Variants in HOOK3 observed in about 807,000 individuals in gnomAD.
HOOK3 encodes protein Hook homolog 3.
HOOK3 carries 24 observed loss-of-function variants against 116.3 expected under a neutral mutation model. That is an observed-to-expected ratio of 0.21 (90% CI 0.15 to 0.29). The LOEUF (loss-of-function observed/expected upper bound fraction) is 0.29, where lower values mean the gene tolerates loss of function less well. HOOK3 is among the 10% of genes least tolerant of loss of function. HOOK3 has a pLI of 1.00. For synonymous variants in HOOK3, 275 were observed against 283.0 expected (o/e 0.97, Z 0.28); for missense variants, 632 against 830.2 (o/e 0.76, Z 2.93).
At position 42,897,043 on chromosome 8, in the gene HOOK3, G is replaced by T; in HGVS notation, c.-89G>T. 1 of 1,032,250 alleles carries T rather than the reference G, an allele frequency of 9.7e-7. No individual in the cohort carries two copies. 63.9% of individuals were successfully genotyped at this position (1,032,250 alleles called of 1,614,324 possible). A position where few individuals can be genotyped will look rare whatever the true frequency, so the allele number is the denominator to read the frequency against. The stretch of plus-strand genomic sequence containing the variant: ...CCGAGGAGCAGGCGGGCCTGAGGCC[G>T]AGTCAGCTGCGCGGGCCCCCGGATC... On this transcript the variant is annotated 5_prime_UTR_variant, in exon 1 of 22. Coordinates refer to ENST00000307602, the MANE Select transcript of HOOK3 (RefSeq NM_032410.4).
Position 42,986,718 on chromosome 8 carries a change from C to A in HOOK3, c.1455C>A (p.Asp485Glu), listed in dbSNP as rs1214591965. The change falls in exon 15 of 22, where the codon GAC (aspartate) becomes GAA (glutamate). Residue 485 changes from aspartate to glutamate, a missense_variant. Physicochemically the swap from Asp to Glu is conservative, Grantham distance 45. Transcript: ENST00000307602. ...KMLKLNQEGS[D>E]NEKIALLQSL... ...TAAAGCTTAACCAAGAAGGTTCGGA[C>A]AATGAAAAAATAGCCTTATTGCAGA... 6.2e-7 allele frequency: 1 copy of A among 1,613,496 alleles called. No individual in the cohort carries two copies. The highest frequency in any genetic ancestry group is 8.5e-7 in the Non-Finnish European group (1 of 1,179,634).
Position 43,014,776 on chromosome 8 carries a change from G to A in HOOK3, c.2016+1376G>A, listed in dbSNP as rs75843286. 4.7e-3 allele frequency among the ~76,000 whole-genome samples: 718 copies of A among 152,260 alleles called. 11 individuals carry two copies. Among genetic ancestry groups the A allele is most frequent in the African/African-American group, 0.016 (684 of 41,540 alleles). On this transcript the variant is annotated intron_variant, in intron 21 of 21. Coordinates refer to ENST00000307602, the MANE Select transcript of HOOK3 (RefSeq NM_032410.4). Reference sequence around the variant, plus strand: ...TTAGTGTCCCTGGCCTCTGAACACTGTGATTTGATCTTTGTCAAAAATTCA... The same window carrying A: ...TTAGTGTCCCTGGCCTCTGAACACTATGATTTGATCTTTGTCAAAAATTCA...
Position 42,986,497 on chromosome 8 carries a change from C to G in HOOK3, c.1392-158C>G, listed in dbSNP as rs1809051716. Among the ~76,000 whole-genome samples, 2 of 151,948 alleles carry G rather than the reference C, an allele frequency of 1.3e-5. 1 individual carries two copies. Among genetic ancestry groups the G allele is most frequent in the African/African-American group, 4.8e-5 (2 of 41,392 alleles). On this transcript the variant is annotated intron_variant, in intron 14 of 21. Coordinates refer to ENST00000307602, the MANE Select transcript of HOOK3 (RefSeq NM_032410.4). ...AAAACCTGAAATGTAATGTCTTTAC[C>G]AGCTATAATAGCTGAATTTGTTGCA...
chr8:43,030,034 A>G lies in HOOK3; in HGVS notation c.*11536A>G, dbSNP rs1810001340. 1 of 212,900 alleles carries G rather than the reference A, an allele frequency of 4.7e-6. No individual in the cohort carries two copies. The highest frequency in any genetic ancestry group is 9.5e-6 in the Non-Finnish European group (1 of 105,360). The allele number at this position is 212,900 out of a possible 1,614,324, so 13.2% of individuals were successfully genotyped here. ...TCATTCTTTGTCATTATAATCCAAAAACAATGTCCACATCAGACTTGGAAC... is the reference window on the plus strand; with the variant it reads ...TCATTCTTTGTCATTATAATCCAAAGACAATGTCCACATCAGACTTGGAAC... On this transcript the variant is annotated 3_prime_UTR_variant, in exon 22 of 22. Coordinates refer to ENST00000307602, the MANE Select transcript of HOOK3 (RefSeq NM_032410.4).
chr8:43,001,673 T>G (rs1809383270), intron 16 of HOOK3, among the ~76,000 whole-genome samples: 1 of 152,154 alleles, frequency 6.6e-6, no homozygotes, highest in African/African-American at 2.4e-5. Flanking sequence ...CATAAGTCAC[T>G]GATTAAGTCA....
At chr8:42,974,907 G>A (rs183028317) in intron 13 of HOOK3, among the ~76,000 whole-genome samples, 1 of 152,256 alleles carries the variant, frequency 6.6e-6, no homozygotes, top group East Asian at 1.9e-4. Flanking sequence ...CTAAGGAATC[G>A]CCTGGCAGTC....
intron 17 of HOOK3, among the ~76,000 whole-genome samples, chr8:43,005,908 G>A (rs918707552): frequency 6.6e-6 from 1 of 151,010 alleles, no homozygotes; most frequent in Non-Finnish European, 1.5e-5. Context: ...TGTTGGACAG[G>A]CTGGTCTTGA....
chr8:43,013,004 CTTTAAG>C (rs772119373), intron 19 of HOOK3, 41 bp from the exon 20 acceptor site: 24 of 1,142,222 alleles, frequency 2.1e-5, no homozygotes, highest in Non-Finnish European at 2.5e-5. Context: ...ACGTTACATT[CTTTAAG>C]TTTGAGACTT....
Position 43,025,231 on chromosome 8 carries a change from C to G in HOOK3, c.*6733C>G, listed in dbSNP as rs1809912236. ...ATAGATCAGGAATTACTTGATGTCT[C>G]TTCAGAAGTTTTCTGTTTTCTTATA... On this transcript the variant is annotated 3_prime_UTR_variant, in exon 22 of 22. Coordinates refer to ENST00000307602, the MANE Select transcript of HOOK3 (RefSeq NM_032410.4). 4.9e-6 allele frequency: 1 copy of G among 206,020 alleles called. No individual in the cohort carries two copies. Among genetic ancestry groups the G allele is most frequent in the South Asian group, 1.9e-4 (1 of 5,292 alleles). The allele number at this position is 206,020 out of a possible 1,614,324, so 12.8% of individuals were successfully genotyped here. A position where few individuals can be genotyped will look rare whatever the true frequency, so the allele number is the denominator to read the frequency against.
At chr8:42,961,851 A>G (rs993206806) in intron 8 of HOOK3, among the ~76,000 whole-genome samples, 15 of 152,198 alleles carry the variant, frequency 9.9e-5, no homozygotes, top group Non-Finnish European at 5.9e-5. Context: ...CAGTGGTGCA[A>G]TCTTGGCTCA....
At chr8:42,983,381 G>A (rs2130447805) in intron 14 of HOOK3, among the ~76,000 whole-genome samples, 1 of 151,648 alleles carries the variant, frequency 6.6e-6, no homozygotes, top group East Asian at 1.9e-4. Flanking sequence ...GGAAAGGTCT[G>A]GGAAAGATAA....
chr8:42,975,994 C>T (rs923149481), intron 13 of HOOK3, among the ~76,000 whole-genome samples: 4 of 151,724 alleles, frequency 2.6e-5, no homozygotes, highest in Non-Finnish European at 5.9e-5. Context: ...CGTGAGCCAC[C>T]GCGCCCAGCC....
chr8:42,924,816 T>C (rs1227539711), intron 2 of HOOK3, among the ~76,000 whole-genome samples: 1 of 151,602 alleles, frequency 6.6e-6, no homozygotes, highest in Non-Finnish European at 1.5e-5. Flanking sequence ...CTACTAAAAA[T>C]AGAAAAATTA....
intron 17 of HOOK3, among the ~76,000 whole-genome samples, chr8:43,006,274 C>G (rs1428632171): frequency 6.6e-6 from 1 of 151,484 alleles, no homozygotes; most frequent in Non-Finnish European, 1.5e-5. Flanking sequence ...CCTGCCTCAG[C>G]CTCCCAAAGT....
intron 1 of HOOK3, 118 bp downstream of exon 1, chr8:42,897,306 T>G: frequency 2.3e-4 from 108 of 468,812 alleles, no homozygotes; most frequent in Middle Eastern, 1.3e-3. Flanking sequence ...ATCCGGGGCC[T>G]GGGGCGGGCG....
intron 17 of HOOK3, 46 bp from the exon 18 acceptor site, chr8:43,007,801 A>G: frequency 8.1e-7 from 1 of 1,229,502 alleles, no homozygotes; most frequent in Non-Finnish European, 1.1e-6. Flanking sequence ...TGAACTGGAA[A>G]AAATTACAGA....
rs190444634 is a variant in HOOK3 at position 42,982,482 on chromosome 8, A to G, written c.1322-145A>G. ...TAAAATGGTAAAATAATAATACTTA[A>G]TAATATTTTAAGACCACTGTGACGT... On this transcript the variant is annotated intron_variant, in intron 13 of 21. Coordinates refer to ENST00000307602, the MANE Select transcript of HOOK3 (RefSeq NM_032410.4). 1,299 of 584,182 alleles carry G rather than the reference A, an allele frequency of 2.2e-3. 2 individuals carry two copies. The highest frequency in any genetic ancestry group is 5.2e-3 in the Admixed American group (179 of 34,544). The allele number at this position is 584,182 out of a possible 1,614,324, so 36.2% of individuals were successfully genotyped here.
chr8:42,914,279 A>T (rs1218621983), intron 2 of HOOK3, among the ~76,000 whole-genome samples: 2 of 152,148 alleles, frequency 1.3e-5, no homozygotes, highest in Non-Finnish European at 2.9e-5. Flanking sequence ...ACTCTTAGTG[A>T]TTTAAGTATG....
At chr8:43,003,006 A>G (rs948189719) in intron 17 of HOOK3, among the ~76,000 whole-genome samples, 2 of 152,178 alleles carry the variant, frequency 1.3e-5, no homozygotes, top group Non-Finnish European at 2.9e-5. Flanking sequence ...TTCTCTCTTT[A>G]TCTTTAACTG....
Sources: allele counts gnomAD v4.1 joint callset (sites outside exome capture counted in the v4.1 genomes callset), GRCh38; gene constraint gnomAD v4.1.1; transcripts MANE v1.5; gene names NCBI Gene and HGNC (gene_info 2026-07-23, HGNC 2026-07-21).